Variants in SLIT2 observed in about 807,000 individuals in gnomAD.
The protein encoded by SLIT2 is slit guidance ligand 2, also known as slit homolog 2 protein.
Under a neutral mutation model 185.7 loss-of-function variants are expected in SLIT2, and 41 were observed. The observed-to-expected ratio is 0.22, with a 90% confidence interval of 0.17 to 0.29. The LOEUF (loss-of-function observed/expected upper bound fraction) is 0.29, where lower values mean the gene tolerates loss of function less well. Among genes scored for constraint, SLIT2 ranks in the 10% least tolerant of loss-of-function variants. The pLI is 1.00. For synonymous variants in SLIT2, 693 were observed against 680.2 expected (o/e 1.02, Z -0.29); for missense variants, 1,571 against 1,909.0 (o/e 0.82, Z 3.30).
chr4:20,368,669 A>G lies in SLIT2; in HGVS notation c.396-99083A>G, dbSNP rs559504465. Among the ~76,000 whole-genome samples, 18 of 152,278 alleles carry G rather than the reference A, an allele frequency of 1.2e-4. No individual in the cohort carries two copies. The South Asian group carries it at 3.7e-3, about 32-fold the overall frequency. On this transcript the variant is annotated intron_variant, in intron 4 of 36. Transcript: ENST00000504154. Reference sequence around the variant, plus strand: ...TTCTTATAATTTGGACTCTCAGTCTAGTGGTGAGAATTTGAAAAAGTAAAG... The same window carrying G: ...TTCTTATAATTTGGACTCTCAGTCTGGTGGTGAGAATTTGAAAAAGTAAAG...
At chr4:20,436,490 A>G (rs1005051149) in intron 4 of SLIT2, among the ~76,000 whole-genome samples, 2 of 152,230 alleles carry the variant, frequency 1.3e-5, no homozygotes, top group Non-Finnish European at 2.9e-5. Context: ...ATCTGTAAGC[A>G]TCAAAACTTA....
intron 4 of SLIT2, among the ~76,000 whole-genome samples, chr4:20,406,809 G>A (rs1421757656): frequency 8.9e-6 from 1 of 112,568 alleles, no homozygotes; most frequent in Admixed American, 9.6e-5. Context: ...CCACTTCTAG[G>A]TATACAGTGA....
rs544520807 is a variant in SLIT2 at position 20,488,447 on chromosome 4, T to C, written c.612-372T>C. On this transcript the variant is annotated intron_variant, in intron 7 of 36. Coordinates refer to ENST00000504154, the MANE Select transcript of SLIT2 (RefSeq NM_004787.4). ...ATTTCAAACTGGGAGCCACAACTTTTACTAACTTGCCCCTCGCCCAGTCTC... is the reference window on the plus strand; with the variant it reads ...ATTTCAAACTGGGAGCCACAACTTTCACTAACTTGCCCCTCGCCCAGTCTC... 2.0e-5 allele frequency among the ~76,000 whole-genome samples: 3 copies of C among 152,312 alleles called. No individual in the cohort carries two copies. The East Asian group carries it at 5.8e-4, about 29-fold the overall frequency.
intron 26 of SLIT2, among the ~76,000 whole-genome samples, chr4:20,555,128 G>A (rs1724137503): frequency 6.6e-6 from 1 of 152,022 alleles, no homozygotes; most frequent in African/African-American, 2.4e-5. Flanking sequence ...AGAAATTCTT[G>A]AAAATGTTAA....
chr4:20,309,802 C>G (rs1415475893), intron 4 of SLIT2, among the ~76,000 whole-genome samples: 1 of 141,652 alleles, frequency 7.1e-6, no homozygotes, highest in African/African-American at 2.7e-5. Context: ...CTCTTTCACC[C>G]AGGCTGGAGT....
intron 4 of SLIT2, among the ~76,000 whole-genome samples, chr4:20,420,507 T>C (rs917976298): frequency 6.6e-6 from 1 of 152,150 alleles, no homozygotes; most frequent in Non-Finnish European, 1.5e-5. Flanking sequence ...TAACCAATAT[T>C]AGGTATCAAG....
At chr4:20,412,824 A>G (rs1404867207) in intron 4 of SLIT2, among the ~76,000 whole-genome samples, 2 of 152,130 alleles carry the variant, frequency 1.3e-5, no homozygotes, top group Non-Finnish European at 2.9e-5. Context: ...AGCAATCATT[A>G]TTAAAAGACA....
At chr4:20,368,924 C>CT (rs1188540127) in intron 4 of SLIT2, among the ~76,000 whole-genome samples, 1 of 152,068 alleles carries the variant, frequency 6.6e-6, no homozygotes, top group Non-Finnish European at 1.5e-5. Flanking sequence ...TACTATTCTG[C>CT]TTTATTTATC....
Position 20,254,905 on chromosome 4 carries a change from C to T in SLIT2, c.179+911C>T, listed in dbSNP as rs1374274252. ...TTCGCGCTCCGTTGCTCGCAGACGT[C>T]CCCGCCTCCCTGTCTTTGCGAGTCT... On this transcript the variant is annotated intron_variant, in intron 1 of 36. Coordinates refer to ENST00000504154, the MANE Select transcript of SLIT2 (RefSeq NM_004787.4). This position sits in a 1 kb window ranked among gnomAD's most constrained non-coding sequence, Gnocchi z 5.1. 4.4e-6 allele frequency: 2 copies of T among 456,126 alleles called. No homozygotes were observed. The highest frequency in any genetic ancestry group is 2.0e-5 in the African/African-American group (1 of 50,092). The allele number at this position is 456,126 out of a possible 1,614,324, so 28.3% of individuals were successfully genotyped here.
At chr4:20,428,307 G>A (rs529085161) in intron 4 of SLIT2, among the ~76,000 whole-genome samples, 15 of 152,290 alleles carry the variant, frequency 9.8e-5, no homozygotes, top group Admixed American at 6.5e-4. Context: ...CACTCAGGGC[G>A]AGATGGAGCC....
At chr4:20,301,403 G>A (rs186408827) in intron 4 of SLIT2, among the ~76,000 whole-genome samples, 1 of 152,158 alleles carries the variant, frequency 6.6e-6, no homozygotes, top group African/African-American at 2.4e-5. Context: ...GTTTGCTAAC[G>A]TTAGATTCTT....
At chr4:20,568,550 C>T (rs763750981) in intron 28 of SLIT2, among the ~76,000 whole-genome samples, 1 of 151,950 alleles carries the variant, frequency 6.6e-6, no homozygotes, top group African/African-American at 2.4e-5. Context: ...ATTAAGATAT[C>T]TAGGGCTGTG....
At chr4:20,556,993 C>CTCTT (rs1724315015) in intron 26 of SLIT2, among the ~76,000 whole-genome samples, 1 of 152,040 alleles carries the variant, frequency 6.6e-6, no homozygotes. Flanking sequence ...AAACCCTAAC[C>CTCTT]TAAAGCAAGG....
intron 11 of SLIT2, among the ~76,000 whole-genome samples, chr4:20,514,843 GTATAA>G (rs1560491622): frequency 6.6e-6 from 1 of 151,184 alleles, no homozygotes; most frequent in East Asian, 1.9e-4. Context: ...TTGTTACATA[GTATAA>G]TATGCAATAT....
At chr4:20,447,514 G>T (rs951858848) in intron 4 of SLIT2, among the ~76,000 whole-genome samples, 1 of 152,154 alleles carries the variant, frequency 6.6e-6, no homozygotes, top group Non-Finnish European at 1.5e-5. Context: ...GAATTTTAAC[G>T]TCTTTTTTTG....
At chr4:20,491,993 C>G in intron 9 of SLIT2, 94 bp downstream of exon 9, 1 of 1,213,862 alleles carries the variant, frequency 8.2e-7, no homozygotes. Context: ...GAAGGCACAT[C>G]TGATCAATTG....
intron 12 of SLIT2, among the ~76,000 whole-genome samples, chr4:20,520,680 T>G (rs1202481984): frequency 2.0e-5 from 3 of 152,120 alleles, no homozygotes; most frequent in Admixed American, 2.0e-4. Flanking sequence ...GAAATGTATT[T>G]TACATTACAC....
At chr4:20,499,434 T>G (rs941489050) in intron 9 of SLIT2, among the ~76,000 whole-genome samples, 1 of 152,194 alleles carries the variant, frequency 6.6e-6, no homozygotes, top group African/African-American at 2.4e-5. Flanking sequence ...CTTAATTTAT[T>G]AAATAATACT....
chr4:20,443,285 G>A (rs1729910363), intron 4 of SLIT2, among the ~76,000 whole-genome samples: 1 of 152,112 alleles, frequency 6.6e-6, no homozygotes, highest in Non-Finnish European at 1.5e-5. Flanking sequence ...GCAGACACAA[G>A]CAGACTGGAT....
Sources: gnomAD v4.1 joint callset for allele counts (sites outside exome capture counted in the v4.1 genomes callset) on GRCh38, gnomAD v4.1.1 for gene constraint, Gnocchi (gnomAD v3.1) non-coding constraint, MANE v1.5 for transcripts, NCBI Gene and HGNC (gene_info 2026-07-23, HGNC 2026-07-21) for gene names.